Variants in UNKL observed in about 807,000 individuals in gnomAD.
UNKL encodes unk like zinc finger, also known as putative E3 ubiquitin-protein ligase UNKL.
Under a neutral mutation model 78.0 loss-of-function variants are expected in UNKL, and 60 were observed. The ratio of observed to expected loss-of-function variants is 0.77; its 90% CI spans 0.63 to 0.95. The LOEUF (loss-of-function observed/expected upper bound fraction) is 0.95. Among genes scored for constraint, UNKL ranks in the 40% least tolerant of loss-of-function variants. UNKL has a pLI of 0.00. For synonymous variants in UNKL, 608 were observed against 474.8 expected, an observed-to-expected ratio of 1.28 and a Z score of -3.65; for missense variants, 1,159 against 1,045.7, an observed-to-expected ratio of 1.11 and a Z score of -1.49.
chr16:1,387,198 GGGGACACTCCCAGCCATGCAA>G lies in UNKL; in HGVS notation c.1087-1834_1087-1814del, dbSNP rs1567220398. Among the ~76,000 whole-genome samples the G allele has an allele frequency of 1.3e-4, 19 of 151,480 alleles. No homozygotes were observed. The highest frequency in any genetic ancestry group is 3.7e-4 in the African/African-American group (15 of 41,064). ...GGGACCCTCCCAGCCATGCAACACC[GGGGACACTCCCAGCCATGCAA>G]CACCGGGGACACTCCCAGCCATGCA... On this transcript the variant is annotated intron_variant, in intron 9 of 14. Coordinates refer to ENST00000389221, the MANE Select transcript of UNKL (RefSeq NM_001372107.1). The surrounding 1 kb of genome is among the most constrained non-coding windows in gnomAD (Gnocchi z 4.1).
intron 7 of UNKL, 102 bp downstream of exon 7, chr16:1,394,029 C>T (rs1312935351): frequency 1.6e-6 from 2 of 1,250,780 alleles, no homozygotes; most frequent in African/African-American, 3.0e-5. Flanking sequence ...TGCCCGCCTT[C>T]CAGGTCCTCG....
chr16:1,410,101 T>C (rs1359813094), intron 2 of UNKL, among the ~76,000 whole-genome samples: 3 of 151,596 alleles, frequency 2.0e-5, no homozygotes, highest in Non-Finnish European at 4.4e-5. Context: ...AAGAAACAGT[T>C]ATGAAAAGAT....
intron 13 of UNKL, 37 bp from the exon 14 acceptor site, chr16:1,367,386 A>G (rs1313145114): frequency 3.2e-5 from 48 of 1,478,078 alleles, no homozygotes; most frequent in South Asian, 5.1e-5. Flanking sequence ...CCCCCACCTC[A>G]CCTGTGCCAC....
chr16:1,409,422 G>C (rs2142273782), intron 2 of UNKL, among the ~76,000 whole-genome samples: 1 of 152,272 alleles, frequency 6.6e-6, no homozygotes, highest in East Asian at 1.9e-4. Flanking sequence ...GATCTCAGGG[G>C]AGGCAGCCTG....
rs907160281 is a variant in UNKL at position 1,405,697 on chromosome 16, G to A, written c.288-2353C>T. Among the ~76,000 whole-genome samples, 136 of 152,194 alleles carry A rather than the reference G, an allele frequency of 8.9e-4. 1 individual carries two copies. The highest frequency in any genetic ancestry group is 3.1e-3 in the African/African-American group (129 of 41,532). ...GCCATTGCTCACGGATGCCCAAGGA[G>A]GGGACGCACGAGCCCCCGGGGGTCG... On this transcript the variant is annotated intron_variant, in intron 2 of 14. Transcript: ENST00000389221.
rs1209278215 is a variant in UNKL at position 1,364,950 on chromosome 16, C to CT, written c.*1289_*1290insA. On this transcript the variant is annotated 3_prime_UTR_variant, in exon 15 of 15. Coordinates refer to ENST00000389221, the MANE Select transcript of UNKL (RefSeq NM_001372107.1). The stretch of plus-strand genomic sequence containing the variant: ...GCCCAGCGACATCTCCAAGGAGCTA[C>CT]AAAGCACCATTGCCTAGGACAGCTC... The CT allele has an allele frequency of 6.6e-6, 1 of 151,834 alleles. No homozygotes were observed. Among genetic ancestry groups the CT allele is most frequent in the African/African-American group, 2.4e-5 (1 of 41,256 alleles). The allele number at this position is 151,834 out of a possible 1,614,324, so 9.4% of individuals were successfully genotyped here.
chr16:1,397,836 CA>C (rs1478027016), intron 5 of UNKL, among the ~76,000 whole-genome samples: 4 of 152,136 alleles, frequency 2.6e-5, no homozygotes, highest in Admixed American at 1.3e-4. Flanking sequence ...GAGGAGGTGT[CA>C]GGGGGACACA....
chr16:1,408,128 G>C (rs1241548600), intron 2 of UNKL, among the ~76,000 whole-genome samples: 1 of 152,172 alleles, frequency 6.6e-6, no homozygotes, highest in East Asian at 1.9e-4. Context: ...AAAAAAGATG[G>C]ACCCTGGAGA....
chr16:1,385,271 G>A lies in UNKL; in HGVS notation c.1201C>T (p.Pro401Ser). The change falls in exon 10 of 15, where the codon CCC becomes TCC. Residue 401 changes from proline (P) to serine (S), a missense_variant. Pro to Ser is a moderately conservative substitution (Grantham distance 74). Transcript: ENST00000389221. ...GSGSSSPTAL[P>S]APPARALPLG... ...GGGAGGGCACGGGCGGGGGGCGCGG[G>A]CAGCGCAGTGGGGGAGGAGCTGCCG... The A allele has an allele frequency of 1.5e-6, 2 of 1,347,168 alleles. No individual in the cohort carries two copies. The highest frequency in any genetic ancestry group is 3.1e-5 in the East Asian group (1 of 32,486). The allele number at this position is 1,347,168 out of a possible 1,614,324, so 83.5% of individuals were successfully genotyped here. A position where few individuals can be genotyped will look rare whatever the true frequency, so the allele number is the denominator to read the frequency against.
intron 10 of UNKL, chr16:1,379,704 CT>C (rs1304242569): frequency 1.0e-6 from 1 of 983,784 alleles, no homozygotes; most frequent in Non-Finnish European, 1.2e-6. Context: ...GCCCCGCCCC[CT>C]CCGCGCTGGC....
intron 14 of UNKL, 25 bp downstream of exon 14, chr16:1,367,067 T>G (rs930832921): frequency 1.5e-5 from 23 of 1,499,350 alleles, no homozygotes; most frequent in Non-Finnish European, 1.8e-5. Context: ...GGCTGGCCCC[T>G]CACCCTGCCC....
chr16:1,401,799 A>G, intron 3 of UNKL, 98 bp from the exon 4 acceptor site: 1 of 1,478,412 alleles, frequency 6.8e-7, no homozygotes, highest in Non-Finnish European at 9.0e-7. Context: ...ACCACTGCAC[A>G]GAGAGGCTGC....
At position 1,403,251 on chromosome 16, in the gene UNKL, T is replaced by A; in HGVS notation, c.381A>T (p.Ala127=). The A allele has an allele frequency of 6.2e-7, 1 of 1,614,182 alleles. No individual in the cohort carries two copies. Among genetic ancestry groups the A allele is most frequent in the African/African-American group, 1.3e-5 (1 of 75,056 alleles). Residue 127 remains alanine (A), a synonymous_variant, in exon 3 of 15, where the codon GCA becomes GCT. Transcript: ENST00000389221. This position sits in a 1 kb window ranked among gnomAD's most constrained non-coding sequence, Gnocchi z 4.8. ...KTGTCIHETD[A]RGHCVKNGLH... is the part of the protein sequence containing the mutation. ...GCCCATTCTTCACGCAGTGGCCACG[T>A]GCGTCTGTCTCGTGGATGCAGGTTC...
intron 2 of UNKL, among the ~76,000 whole-genome samples, chr16:1,411,274 C>A (rs1351948295): frequency 4.6e-5 from 7 of 152,018 alleles, no homozygotes. Flanking sequence ...TCACTTGAGC[C>A]CAGGAGGTAG....
intron 12 of UNKL, chr16:1,368,197 G>A (rs976739802): frequency 4.4e-5 from 17 of 386,914 alleles, no homozygotes; most frequent in African/African-American, 2.9e-4. Flanking sequence ...TCCACTCCCA[G>A]GAACCCCTCA....
chr16:1,390,962 G>A (rs1205691056), intron 8 of UNKL, among the ~76,000 whole-genome samples: 1 of 152,090 alleles, frequency 6.6e-6, no homozygotes, highest in Non-Finnish European at 1.5e-5. Flanking sequence ...CCCAGGAGGT[G>A]GAGGTTGCAG....
chr16:1,395,411 C>A (rs2037219009), intron 6 of UNKL, among the ~76,000 whole-genome samples: 1 of 151,944 alleles, frequency 6.6e-6, no homozygotes, highest in Non-Finnish European at 1.5e-5. Context: ...GGTGATCTGC[C>A]TGCCTCGGCC....
chr16:1,414,128 C>G (rs1337777320), intron 1 of UNKL, 73 bp from the exon 2 acceptor site: 2 of 1,430,402 alleles, frequency 1.4e-6, no homozygotes, highest in East Asian at 2.5e-5. Context: ...GGCGGCGGGA[C>G]CCACCGGCCT....
intron 2 of UNKL, chr16:1,408,777 C>T (rs2037901309): frequency 6.6e-6 from 1 of 152,422 alleles, no homozygotes; most frequent in African/African-American, 2.4e-5. Flanking sequence ...CCTGGGGTCC[C>T]AGTCCTGCTC....
Sources: gnomAD v4.1 joint callset for allele counts (sites outside exome capture counted in the v4.1 genomes callset) on GRCh38, gnomAD v4.1.1 for gene constraint, Gnocchi (gnomAD v3.1) non-coding constraint, MANE v1.5 for transcripts, NCBI Gene and HGNC (gene_info 2026-07-23, HGNC 2026-07-21) for gene names.